Variants in CCNQ observed in about 807,000 individuals in gnomAD.
CCNQ encodes the protein cyclin Q, also known as cyclin-Q.
CCNQ carries 3 observed loss-of-function variants against 17.7 expected under a neutral mutation model. The ratio of observed to expected loss-of-function variants is 0.17; its 90% CI spans 0.08 to 0.44. The LOEUF (loss-of-function observed/expected upper bound fraction) is 0.44. Among genes scored for constraint, CCNQ ranks in the 20% least tolerant of loss-of-function variants. The probability of loss-of-function intolerance (pLI) is 0.99; values close to 1 mark genes in which losing one functional copy is unlikely to be tolerated. For missense variants in CCNQ, 146 were observed against 222.6 expected, an observed-to-expected ratio of 0.66 and a Z score of 2.19; for synonymous variants, 73 against 96.0, an observed-to-expected ratio of 0.76 and a Z score of 1.40.
intron 4 of CCNQ, among the ~76,000 whole-genome samples, chrX:153,589,552 G>A (rs921350613): frequency 2.7e-5 from 3 of 112,680 alleles, no homozygotes; most frequent in East Asian, 2.8e-4. Context: ...GGTGCTCTTC[G>A]GGATCCCCAA....
chrX:153,595,853 C>T, intron 2 of CCNQ, 151 bp downstream of exon 2: 1 of 646,643 alleles, frequency 1.5e-6, no homozygotes, highest in South Asian at 2.3e-5. Context: ...ACGTTTGCTG[C>T]TACTGTTTCT....
At chrX:153,593,849 A>T (rs980052872) in intron 3 of CCNQ, among the ~76,000 whole-genome samples, 2 of 112,167 alleles carry the variant, frequency 1.8e-5, no homozygotes, top group African/African-American at 3.3e-5. Flanking sequence ...TCACAACTGC[A>T]TGGGAATCTA....
chrX:153,594,513 C>T (rs1464986062), intron 3 of CCNQ, 34 bp downstream of exon 3: 1 of 1,206,953 alleles, frequency 8.3e-7, no homozygotes, highest in African/African-American at 1.7e-5. Context: ...TGGCTTGAGC[C>T]TCTCCAAACA....
intron 1 of CCNQ, among the ~76,000 whole-genome samples, chrX:153,598,203 G>A (rs1376935665): frequency 2.7e-5 from 3 of 111,710 alleles, no homozygotes; most frequent in African/African-American, 9.8e-5. Flanking sequence ...ATCACCTGAG[G>A]CCAGGAGTTC....
chrX:153,594,425 C>A (rs5945316), intron 3 of CCNQ, 122 bp downstream of exon 3: 23,133 of 974,883 alleles, frequency 0.024, 271 homozygotes, highest in South Asian at 0.053. Flanking sequence ...CAGTTCCCAG[C>A]CGCAGCCCTG....
intron 2 of CCNQ, 35 bp from the exon 3 acceptor site, chrX:153,594,714 G>T (rs781984911): frequency 8.3e-7 from 1 of 1,208,122 alleles, no homozygotes; most frequent in Admixed American, 2.2e-5. Context: ...CAGCAGCCAG[G>T]GCAGTCTCCT....
chrX:153,589,980 C>T (rs1471558017), intron 4 of CCNQ, among the ~76,000 whole-genome samples: 1 of 111,034 alleles, frequency 9.0e-6, no homozygotes, highest in East Asian at 2.8e-4. Context: ...GTAATCCCAG[C>T]ACTTTGGGAG....
At chrX:153,591,598 T>C (rs984081045) in intron 4 of CCNQ, among the ~76,000 whole-genome samples, 10 of 111,000 alleles carry the variant, frequency 9.0e-5, no homozygotes, top group South Asian at 3.8e-4. Flanking sequence ...CAGAGGGTGT[T>C]TGCCCCCCCC....
rs1485011328 is a variant in CCNQ, at chrX:153,587,996, TGG to T, written c.*367_*368del. ...TGCACATTCATTCTCCCTACAAATC[TGG>T]CTTTTAAGAAATCCGTAGGGATTCA... is the stretch of plus-strand genomic sequence containing the variant. On this transcript the variant is annotated 3_prime_UTR_variant, in exon 5 of 5. Coordinates refer to ENST00000576892, the MANE Select transcript of CCNQ (RefSeq NM_152274.5). 2.9e-6 allele frequency: 1 copy of T among 342,924 alleles called. No homozygotes were observed. The highest frequency in any genetic ancestry group is 2.6e-5 in the African/African-American group (1 of 38,501). 28.3% of individuals were successfully genotyped at this position (342,924 alleles called of 1,213,427 possible).
At chrX:153,597,431 C>G (rs1166437298) in intron 1 of CCNQ, 1 of 112,358 alleles carries the variant, frequency 8.9e-6, no homozygotes, top group Non-Finnish European at 1.9e-5. Flanking sequence ...CCTTTTCCAG[C>G]TTCTAGAGGA....
At chrX:153,598,462 TAC>T (rs2091043575) in intron 1 of CCNQ, among the ~76,000 whole-genome samples, 1 of 112,238 alleles carries the variant, frequency 8.9e-6, no homozygotes, top group African/African-American at 3.2e-5. Flanking sequence ...ACGATGTTTC[TAC>T]AGAGATCTTA....
At chrX:153,594,503 T>C in intron 3 of CCNQ, 44 bp downstream of exon 3, 1 of 1,204,743 alleles carries the variant, frequency 8.3e-7, no homozygotes, top group Non-Finnish European at 1.1e-6. Context: ...ACAGAGACCA[T>C]GGCTTGAGCC....
At chrX:153,597,732 T>C (rs1476196544) in intron 1 of CCNQ, 2 of 111,755 alleles carry the variant, frequency 1.8e-5, no homozygotes, top group Non-Finnish European at 3.8e-5. Flanking sequence ...GATTGTGTAA[T>C]ACATTTTATA....
intron 3 of CCNQ, among the ~76,000 whole-genome samples, 190 bp from the exon 4 acceptor site, chrX:153,592,923 G>A (rs782339675): frequency 2.7e-5 from 3 of 111,629 alleles, no homozygotes; most frequent in Admixed American, 9.4e-5. Context: ...TAGGGCCTTC[G>A]CACTTGCTGA....
chrX:153,596,911 C>G (rs1557027223), intron 1 of CCNQ, among the ~76,000 whole-genome samples: 1 of 112,460 alleles, frequency 8.9e-6, no homozygotes, highest in African/African-American at 3.2e-5. Context: ...AGAAGGATTG[C>G]TTGAGCCCAG....
chrX:153,590,823 T>C (rs1197184897), intron 4 of CCNQ, among the ~76,000 whole-genome samples: 1 of 111,779 alleles, frequency 8.9e-6, no homozygotes, highest in Non-Finnish European at 1.9e-5. Context: ...CATCTGCTTA[T>C]AAGACAAAAA....
At position 153,587,995 on chromosome X, in the gene CCNQ, C is replaced by A. The variant is rs2090965053; in HGVS notation, c.*370G>T. On this transcript the variant is annotated 3_prime_UTR_variant, in exon 5 of 5. Transcript: ENST00000576892. ...TTGCACATTCATTCTCCCTACAAATCTGGCTTTTAAGAAATCCGTAGGGAT... is the reference window on the plus strand; with the variant it reads ...TTGCACATTCATTCTCCCTACAAATATGGCTTTTAAGAAATCCGTAGGGAT... The A allele has an allele frequency of 8.8e-6, 3 of 341,878 alleles. No individual in the cohort carries two copies. The highest frequency in any genetic ancestry group is 9.5e-5 in the Admixed American group (2 of 21,079). The allele number at this position is 341,878 out of a possible 1,213,427, so 28.2% of individuals were successfully genotyped here. A position where few individuals can be genotyped will look rare whatever the true frequency, so the allele number is the denominator to read the frequency against.
chrX:153,589,819 G>C lies in CCNQ; in HGVS notation c.658-1365C>G, dbSNP rs545003190. On this transcript the variant is annotated intron_variant, in intron 4 of 4. Coordinates refer to ENST00000576892, the MANE Select transcript of CCNQ (RefSeq NM_152274.5). ...TCCAAGTCCTGACTCAGGAAGCATA[G>C]CTGTCTTACCCTGGGCTCTGGGTGA... Among the ~76,000 whole-genome samples, 4 of 112,343 alleles carry C rather than the reference G, an allele frequency of 3.6e-5. No homozygotes were observed. The South Asian group carries it at 1.5e-3, about 41-fold the overall frequency.
rs73630439 is a variant in CCNQ, at chrX:153,589,327, T to C, written c.658-873A>G. ...CCCGGTTGTGACTCCGTGCTCGCTG[T>C]CCCACACTGTTGCCGAAAGAAACAG... On this transcript the variant is annotated intron_variant, in intron 4 of 4. Transcript: ENST00000576892. 6.8e-3 allele frequency among the ~76,000 whole-genome samples: 769 copies of C among 112,832 alleles called. 3 individuals carry two copies. The highest frequency in any genetic ancestry group is 0.024 in the African/African-American group (754 of 31,122).
Sources: gnomAD v4.1 joint callset for allele counts (sites outside exome capture counted in the v4.1 genomes callset) on GRCh38, gnomAD v4.1.1 for gene constraint, MANE v1.5 for transcripts, NCBI Gene and HGNC (gene_info 2026-07-23, HGNC 2026-07-21) for gene names.